RDH10: variants seen among roughly 807,000 people sequenced by gnomAD.
RDH10 encodes retinol dehydrogenase 10 (all-trans).
RDH10 carries 12 observed loss-of-function variants against 30.2 expected under a neutral mutation model. That is an observed-to-expected ratio of 0.40 (90% CI 0.25 to 0.64). RDH10 has a LOEUF of 0.64. RDH10 is among the 30% of genes least tolerant of loss of function. The probability of loss-of-function intolerance (pLI) is 0.43; values close to 1 mark genes in which losing one functional copy is unlikely to be tolerated. For missense variants in RDH10, 268 were observed against 445.2 expected, an observed-to-expected ratio of 0.60 and a Z score of 3.58; for synonymous variants, 189 against 172.2, an observed-to-expected ratio of 1.10 and a Z score of -0.76.
At chr8:73,303,923 A>G (rs568643626) in intron 2 of RDH10, among the ~76,000 whole-genome samples, 44 of 152,176 alleles carry the variant, frequency 2.9e-4, no homozygotes, top group South Asian at 4.1e-4. Context: ...AACATCTTCA[A>G]TATGTTCTAA....
At chr8:73,299,557 A>G (rs1814341071) in intron 2 of RDH10, among the ~76,000 whole-genome samples, 1 of 152,246 alleles carries the variant, frequency 6.6e-6, no homozygotes, top group Non-Finnish European at 1.5e-5. Context: ...TTACAGCACT[A>G]TCAGTAGGTT....
chr8:73,316,000 G>C (rs1473412069), intron 2 of RDH10, among the ~76,000 whole-genome samples: 1 of 152,100 alleles, frequency 6.6e-6, no homozygotes, highest in Non-Finnish European at 1.5e-5. Flanking sequence ...AGACATATAG[G>C]CTTGATTACT....
At chr8:73,318,742 A>G (rs1245992768) in intron 2 of RDH10, among the ~76,000 whole-genome samples, 1 of 152,230 alleles carries the variant, frequency 6.6e-6, no homozygotes, top group Non-Finnish European at 1.5e-5. Context: ...TTGAAGTGTC[A>G]CGAGCAGAAA....
chr8:73,313,317 A>C (rs1398548354), intron 2 of RDH10: 2 of 152,202 alleles, frequency 1.3e-5, no homozygotes, highest in African/African-American at 4.8e-5. Context: ...TCTGTTTAAG[A>C]AGTTCTTGCT....
chr8:73,321,117 G>T, intron 4 of RDH10, 40 bp downstream of exon 4: 1 of 1,423,952 alleles, frequency 7.0e-7, no homozygotes, highest in Non-Finnish European at 9.7e-7. Context: ...AAAAGAATAT[G>T]TTGGGAGAAT....
Position 73,322,729 on chromosome 8 carries a change from A to C in RDH10, c.821A>C (p.Lys274Thr). Residue 274 changes from lysine (K) to threonine (T), a missense_variant, in exon 5 of 6, where the codon AAG (lysine) becomes ACG (threonine). Transcript: ENST00000240285. ...CCTCTGAAGCCTGATTACTGTGTGA[A>C]GCAGGCCATGAAGGCCATCCTCACT... ...LPPLKPDYCV[K>T]QAMKAILTDQ... The C allele has an allele frequency of 6.2e-7, 1 of 1,614,026 alleles. No individual in the cohort carries two copies. The highest frequency in any genetic ancestry group is 1.3e-5 in the African/African-American group (1 of 75,060).
At chr8:73,319,229 C>A in intron 3 of RDH10, 35 bp downstream of exon 3, 1 of 1,422,382 alleles carries the variant, frequency 7.0e-7, no homozygotes, top group South Asian at 1.2e-5. Context: ...TTCGTTCAAT[C>A]TGTTTATCCT....
intron 2 of RDH10, among the ~76,000 whole-genome samples, chr8:73,298,947 T>G (rs1814328418): frequency 6.6e-6 from 1 of 152,178 alleles, no homozygotes. Context: ...CCCAAGTAGC[T>G]GGGATTGCAG....
At chr8:73,320,273 CCT>C (rs1428449200) in intron 3 of RDH10, among the ~76,000 whole-genome samples, 6 of 152,106 alleles carry the variant, frequency 3.9e-5, no homozygotes, top group African/African-American at 1.4e-4. Context: ...TCAAAGTGAA[CCT>C]CTCTCCATTT....
intron 2 of RDH10, among the ~76,000 whole-genome samples, chr8:73,307,215 C>G (rs531532142): frequency 6.6e-6 from 1 of 151,832 alleles, no homozygotes; most frequent in African/African-American, 2.4e-5. Context: ...TGGAAAGTTT[C>G]GTTGTTTTCC....
chr8:73,302,053 C>T (rs1054819353), intron 2 of RDH10, among the ~76,000 whole-genome samples: 7 of 152,132 alleles, frequency 4.6e-5, no homozygotes, highest in Non-Finnish European at 1.0e-4. Flanking sequence ...AAAGAGGACC[C>T]CCTTGGCAAT....
At chr8:73,317,814 G>A (rs1814699092) in intron 2 of RDH10, among the ~76,000 whole-genome samples, 2 of 151,952 alleles carry the variant, frequency 1.3e-5, no homozygotes, top group Admixed American at 1.3e-4. Flanking sequence ...CAGCTACTCG[G>A]CAGGCTGAGG....
intron 2 of RDH10, among the ~76,000 whole-genome samples, chr8:73,308,044 G>A (rs1421691716): frequency 6.6e-6 from 1 of 152,104 alleles, no homozygotes; most frequent in African/African-American, 2.4e-5. Flanking sequence ...GAATAGTGTA[G>A]TGCATCCTTC....
intron 2 of RDH10, chr8:73,300,468 C>T (rs1814355720): frequency 6.6e-6 from 1 of 152,152 alleles, no homozygotes; most frequent in South Asian, 2.1e-4. Context: ...TTTACTGTAT[C>T]TGGGTATGGA....
intron 4 of RDH10, among the ~76,000 whole-genome samples, chr8:73,321,299 A>T (rs781767368): frequency 6.6e-6 from 1 of 152,244 alleles, no homozygotes; most frequent in East Asian, 1.9e-4. Flanking sequence ...CAGAATCATT[A>T]GATAGGAAAT....
At chr8:73,298,261 T>TA (rs1259296073) in intron 2 of RDH10, among the ~76,000 whole-genome samples, 1 of 152,226 alleles carries the variant, frequency 6.6e-6, no homozygotes, top group Non-Finnish European at 1.5e-5. Flanking sequence ...TGTAGACAGA[T>TA]ACGATTCAAT....
chr8:73,295,403 G>A lies in RDH10; in HGVS notation c.114G>A (p.Val38=). Residue 38 remains valine, a synonymous_variant, in exon 1 of 6, where the codon GTG becomes GTA. Coordinates refer to ENST00000240285, the MANE Select transcript of RDH10 (RefSeq NM_172037.5). The stretch of plus-strand genomic sequence containing the variant: ...AGGAGAAGAGCGTGGCGGGCCAGGT[G>A]TGCCTCATCACCGGCGCCGGCAGCG... ...RPKEKSVAGQ[V]CLITGAGSGL... 6.4e-7 allele frequency: 1 copy of A among 1,550,494 alleles called. No individual in the cohort carries two copies. Among genetic ancestry groups the A allele is most frequent in the Non-Finnish European group, 8.7e-7 (1 of 1,149,108 alleles).
chr8:73,295,980 G>A (rs1814257869), intron 1 of RDH10: 2 of 298,462 alleles, frequency 6.7e-6, no homozygotes, highest in Non-Finnish European at 1.0e-5. Flanking sequence ...CTGAAGAAGT[G>A]TCTGTCTTAC....
intron 4 of RDH10, 105 bp downstream of exon 4, chr8:73,321,182 C>A: frequency 1.8e-6 from 2 of 1,102,380 alleles, no homozygotes; most frequent in Non-Finnish European, 2.6e-6. Flanking sequence ...ATTTGACAAT[C>A]TGTGGCTTTT....
Sources: gnomAD v4.1 joint callset for allele counts (sites outside exome capture counted in the v4.1 genomes callset) on GRCh38, gnomAD v4.1.1 for gene constraint, MANE v1.5 for transcripts, NCBI Gene and HGNC (gene_info 2026-07-23, HGNC 2026-07-21) for gene names.